Variants in DCC observed in about 807,000 individuals in gnomAD.
DCC encodes the protein DCC netrin 1 receptor.
DCC carries 58 observed loss-of-function variants against 172.5 expected under a neutral mutation model. The ratio of observed to expected loss-of-function variants is 0.34; its 90% CI spans 0.27 to 0.42. The LOEUF is 0.42. Ranked by LOEUF, DCC falls within the 10% of genes least tolerant of loss-of-function variation. The pLI is 1.00. For missense variants in DCC, 1,740 were observed against 1,791.0 expected (o/e 0.97, Z 0.51); for synonymous variants, 709 against 644.5 (o/e 1.10, Z -1.52).
chr18:52,717,041 G>C (rs1311757766), intron 1 of DCC, among the ~76,000 whole-genome samples: 1 of 152,184 alleles, frequency 6.6e-6, no homozygotes, highest in Non-Finnish European at 1.5e-5. Context: ...GTCCAGTAAA[G>C]TGTAGCAAGT....
intron 9 of DCC, among the ~76,000 whole-genome samples, chr18:53,179,459 G>T (rs1343436981): frequency 1.3e-5 from 2 of 152,004 alleles, no homozygotes; most frequent in Non-Finnish European, 2.9e-5. Flanking sequence ...CAGATTTTTT[G>T]AGTTTGTAAA....
At chr18:52,605,369 G>C (rs2034111931) in intron 1 of DCC, among the ~76,000 whole-genome samples, 1 of 152,102 alleles carries the variant, frequency 6.6e-6, no homozygotes, top group Non-Finnish European at 1.5e-5. Context: ...GCTAAACCAG[G>C]AAAGAGACTG....
intron 1 of DCC, among the ~76,000 whole-genome samples, chr18:52,728,709 A>G (rs4075931): frequency 0.44 from 66,163 of 152,044 alleles, 15,484 homozygotes; most frequent in East Asian, 0.76. Flanking sequence ...GAGCAATTGC[A>G]GGAATGCACA....
At chr18:53,118,522 C>G (rs1329323562) in intron 7 of DCC, among the ~76,000 whole-genome samples, 1 of 151,712 alleles carries the variant, frequency 6.6e-6, no homozygotes, top group Non-Finnish European at 1.5e-5. Context: ...ATTTCCAACA[C>G]TTATATTCAT....
At chr18:52,585,782 A>T (rs924328268) in intron 1 of DCC, among the ~76,000 whole-genome samples, 3 of 152,322 alleles carry the variant, frequency 2.0e-5, no homozygotes, top group African/African-American at 7.2e-5. Flanking sequence ...GGGTGGTTAA[A>T]TTAGAATACC....
chr18:53,315,303 T>A (rs138607197), intron 13 of DCC, among the ~76,000 whole-genome samples: 8 of 152,336 alleles, frequency 5.3e-5, no homozygotes, highest in African/African-American at 1.9e-4. Context: ...CCATCCTTTT[T>A]ACGGCTGCAT....
intron 2 of DCC, among the ~76,000 whole-genome samples, chr18:52,819,770 G>A (rs1218768488): frequency 6.6e-6 from 1 of 151,564 alleles, no homozygotes; most frequent in African/African-American, 2.4e-5. Context: ...CCAGGCTGGA[G>A]TGCAATGGCG....
chr18:52,693,304 G>A (rs1180028358), intron 1 of DCC, among the ~76,000 whole-genome samples: 1 of 147,936 alleles, frequency 6.8e-6, no homozygotes, highest in Admixed American at 6.8e-5. Context: ...TATATTAAGT[G>A]TATATATTAC....
intron 7 of DCC, among the ~76,000 whole-genome samples, chr18:53,122,418 A>T (rs1201542050): frequency 6.6e-6 from 1 of 152,046 alleles, no homozygotes; most frequent in Non-Finnish European, 1.5e-5. Flanking sequence ...AGATGCATAG[A>T]TAGCCCCATA....
At chr18:53,431,362 C>T (rs1599144243) in intron 21 of DCC, among the ~76,000 whole-genome samples, 1 of 151,682 alleles carries the variant, frequency 6.6e-6, no homozygotes, top group African/African-American at 2.4e-5. Context: ...ATATCTCATT[C>T]CTCCCCATCC....
At chr18:53,330,735 C>T (rs1409329213) in intron 14 of DCC, among the ~76,000 whole-genome samples, 2 of 152,154 alleles carry the variant, frequency 1.3e-5, no homozygotes, top group African/African-American at 4.8e-5. Context: ...AAGCTCTTTA[C>T]CCAAGTGTAT....
intron 2 of DCC, chr18:52,816,909 T>C (rs765409223): frequency 4.3e-4 from 65 of 152,354 alleles, no homozygotes; most frequent in African/African-American, 1.4e-3. Flanking sequence ...CTTCTCAGTG[T>C]CAAATATTTT....
At chr18:53,382,101 CACA>C (rs1437453564) in intron 15 of DCC, among the ~76,000 whole-genome samples, 50 of 54,170 alleles carry the variant, frequency 9.2e-4, no homozygotes, top group African/African-American at 1.9e-3. Context: ...CACACACACA[CACA>C]CCCCTACCTC....
intron 1 of DCC, among the ~76,000 whole-genome samples, chr18:52,464,399 TA>T (rs1287225533): frequency 4.8e-4 from 73 of 152,210 alleles, no homozygotes; most frequent in African/African-American, 1.6e-3. Flanking sequence ...ATGTCAGCAG[TA>T]GATAAATGTT....
intron 2 of DCC, among the ~76,000 whole-genome samples, chr18:52,872,743 A>G (rs1008923069): frequency 7.2e-5 from 11 of 152,196 alleles, no homozygotes; most frequent in Non-Finnish European, 2.9e-5. Flanking sequence ...GGGCTAAGAA[A>G]ACAATATTCA....
rs554707978 is a variant in DCC at position 53,533,153 on chromosome 18, C to A, written c.*2500C>A. On this transcript the variant is annotated 3_prime_UTR_variant, in exon 29 of 29. Transcript: ENST00000442544. The stretch of plus-strand genomic sequence containing the variant: ...TGTATAACTCTGTTCCCTTTACCCT[C>A]AAATGATTCATATATGTATATAATT... The A allele has an allele frequency of 1.2e-4, 19 of 152,268 alleles. No homozygotes were observed. Among genetic ancestry groups the A allele is most frequent in the African/African-American group, 4.6e-4 (19 of 41,552 alleles). 9.4% of individuals were successfully genotyped at this position (152,268 alleles called of 1,614,324 possible).
At chr18:52,949,011 C>T (rs539215313) in intron 5 of DCC, among the ~76,000 whole-genome samples, 4 of 152,330 alleles carry the variant, frequency 2.6e-5, no homozygotes, top group African/African-American at 7.2e-5. Flanking sequence ...CTCTGTGATA[C>T]AGCAGGAAAC....
At chr18:53,364,301 TA>T (rs1486940948) in intron 15 of DCC, among the ~76,000 whole-genome samples, 1 of 152,138 alleles carries the variant, frequency 6.6e-6, no homozygotes, top group Non-Finnish European at 1.5e-5. Flanking sequence ...GTAAAGTATA[TA>T]AAAGAACTTA....
chr18:53,260,976 T>C (rs1482943140), intron 12 of DCC, among the ~76,000 whole-genome samples: 2 of 152,106 alleles, frequency 1.3e-5, no homozygotes, highest in African/African-American at 2.4e-5. Context: ...ATGAGCAAGG[T>C]TCCGTGGGCC....
Sources: allele counts gnomAD v4.1 joint callset (sites outside exome capture counted in the v4.1 genomes callset), GRCh38; gene constraint gnomAD v4.1.1; transcripts MANE v1.5; gene names NCBI Gene and HGNC (gene_info 2026-07-23, HGNC 2026-07-21).